ACSL5: variants seen among roughly 807,000 people sequenced by gnomAD.
The protein encoded by ACSL5 is long-chain-fatty-acid--CoA ligase 5.
In ACSL5, 50 loss-of-function variants were observed where a neutral mutation model predicts 84.9. The ratio of observed to expected loss-of-function variants is 0.59; its 90% confidence interval spans 0.47 to 0.75. The LOEUF (loss-of-function observed/expected upper bound fraction) is 0.75. Among genes scored for constraint, ACSL5 ranks in the 30% least tolerant of loss-of-function variants. The probability of loss-of-function intolerance (pLI) is 0.00; values close to 1 mark genes in which losing one functional copy is unlikely to be tolerated. For synonymous variants in ACSL5, 280 were observed against 300.7 expected (o/e 0.93, Z 0.71); for missense variants, 775 against 830.4 (o/e 0.93, Z 0.82).
Position 112,380,893 on chromosome 10 carries a change from A to G in ACSL5, c.-30+6624A>G, listed in dbSNP as rs1241392284. ...ACCTCCCAGGCTCAACAATCCTCCT[A>G]CCTCATTCTCCTGAGTACCTGGGAC... On this transcript the variant is annotated intron_variant, in intron 1 of 20. Transcript: ENST00000354655. Among the ~76,000 whole-genome samples the G allele has an allele frequency of 2.6e-5, 4 of 152,032 alleles. No individual in the cohort carries two copies. In the East Asian group the frequency reaches 7.7e-4, roughly 29 times the overall value.
At chr10:112,399,120 A>G (rs1449902780) in intron 3 of ACSL5, 111 bp downstream of exon 3, 2 of 871,876 alleles carry the variant, frequency 2.3e-6, no homozygotes, top group Non-Finnish European at 3.7e-6. Context: ...CAGTGATCCA[A>G]GTAGAATCGC....
At chr10:112,389,698 G>A (rs1849519592) in intron 1 of ACSL5, among the ~76,000 whole-genome samples, 2 of 152,068 alleles carry the variant, frequency 1.3e-5, no homozygotes, top group Admixed American at 1.3e-4. Context: ...ACAAAAGGAG[G>A]GTGACTTTTT....
intron 1 of ACSL5, among the ~76,000 whole-genome samples, chr10:112,380,372 G>C (rs1347244154): frequency 6.6e-6 from 1 of 152,108 alleles, no homozygotes; most frequent in Non-Finnish European, 1.5e-5. Flanking sequence ...AGTATGTGAA[G>C]GCAATGGCTC....
chr10:112,392,867 G>A (rs949647162), intron 1 of ACSL5, among the ~76,000 whole-genome samples: 8 of 151,798 alleles, frequency 5.3e-5, no homozygotes, highest in Admixed American at 2.6e-4. Flanking sequence ...GTGAGCCAGA[G>A]TTGTGCCACT....
intron 1 of ACSL5, among the ~76,000 whole-genome samples, chr10:112,388,025 G>A (rs1221372223): frequency 1.5e-5 from 2 of 137,624 alleles, no homozygotes; most frequent in African/African-American, 2.7e-5. Flanking sequence ...TGCAACTTCC[G>A]CCTCCCAGGT....
intron 7 of ACSL5, 46 bp downstream of exon 7, chr10:112,409,731 C>G (rs1844136911): frequency 6.3e-7 from 1 of 1,584,240 alleles, no homozygotes; most frequent in Non-Finnish European, 8.6e-7. Flanking sequence ...TTGTCCAACA[C>G]CTTGGGCAAC....
chr10:112,375,679 T>C (rs1364932137), intron 1 of ACSL5: 1 of 152,354 alleles, frequency 6.6e-6, no homozygotes, highest in East Asian at 1.9e-4. Flanking sequence ...CTGGTAATAC[T>C]GGGGGTGACC....
At position 112,421,462 on chromosome 10, in the gene ACSL5, G is replaced by C. The variant is rs371805076; in HGVS notation, c.1315-131G>C. ...AGGCATGAGCCACCGCCCCCTCCAA[G>C]TTCAAGGTTTTAAGACACTAAGTGG... On this transcript the variant is annotated intron_variant, in intron 14 of 20. Transcript: ENST00000354655. 888 of 754,518 alleles carry C rather than the reference G, an allele frequency of 1.2e-3. 1 individual carries two copies. The highest frequency in any genetic ancestry group is 6.4e-3 in the Middle Eastern group (26 of 4,066). 46.7% of individuals were successfully genotyped at this position (754,518 alleles called of 1,614,324 possible). A position where few individuals can be genotyped will look rare whatever the true frequency, so the allele number is the denominator to read the frequency against.
intron 17 of ACSL5, among the ~76,000 whole-genome samples, chr10:112,424,245 T>C (rs575339921): frequency 6.6e-6 from 1 of 152,338 alleles, no homozygotes; most frequent in South Asian, 2.1e-4. Flanking sequence ...AGAAAGGAAA[T>C]TATTGCAAGG....
At chr10:112,422,756 T>C (rs1041360697) in intron 17 of ACSL5, among the ~76,000 whole-genome samples, 1 of 150,332 alleles carries the variant, frequency 6.7e-6, no homozygotes, top group Non-Finnish European at 1.5e-5. Context: ...CTTGGGAGGC[T>C]GAGGCAGGAG....
At chr10:112,393,535 A>G (rs1315661436) in intron 1 of ACSL5, among the ~76,000 whole-genome samples, 1 of 152,224 alleles carries the variant, frequency 6.6e-6, no homozygotes, top group African/African-American at 2.4e-5. Context: ...TCCAGGTGGC[A>G]GCTAATGGCA....
At chr10:112,424,146 C>T (rs1205123082) in intron 17 of ACSL5, among the ~76,000 whole-genome samples, 1 of 152,214 alleles carries the variant, frequency 6.6e-6, no homozygotes, top group African/African-American at 2.4e-5. Context: ...CTCTCATTGA[C>T]CTTCACAGCC....
intron 1 of ACSL5, among the ~76,000 whole-genome samples, chr10:112,386,043 T>C (rs1849444699): frequency 6.6e-6 from 1 of 152,102 alleles, no homozygotes; most frequent in Non-Finnish European, 1.5e-5. Context: ...TCTCAGTACG[T>C]TTATTTTAAG....
At chr10:112,401,800 CTT>C (rs545227640) in intron 3 of ACSL5, among the ~76,000 whole-genome samples, 16 of 69,504 alleles carry the variant, frequency 2.3e-4, no homozygotes, top group South Asian at 1.4e-3. Context: ...TTCTTTCTTT[CTT>C]TCTTTCTTTC....
chr10:112,420,754 CT>C (rs1361618543), intron 14 of ACSL5, among the ~76,000 whole-genome samples: 2 of 151,624 alleles, frequency 1.3e-5, no homozygotes, highest in Non-Finnish European at 2.9e-5. Flanking sequence ...GTCTCGCTCA[CT>C]GTGTCACCCA....
intron 12 of ACSL5, among the ~76,000 whole-genome samples, chr10:112,416,347 T>C (rs1238473562): frequency 6.6e-6 from 1 of 151,812 alleles, no homozygotes; most frequent in Non-Finnish European, 1.5e-5. Context: ...GGCGGGTGCC[T>C]GTAGTCCCAG....
At chr10:112,403,310 T>A (rs753660450) in intron 3 of ACSL5, among the ~76,000 whole-genome samples, 2 of 152,236 alleles carry the variant, frequency 1.3e-5, no homozygotes, top group Non-Finnish European at 2.9e-5. Flanking sequence ...GTTTTGAGAC[T>A]GAGTTTTGCT....
chr10:112,422,405 C>T lies in ACSL5; in HGVS notation c.1557C>T (p.Gly519=). 6.2e-7 allele frequency: 1 copy of T among 1,614,184 alleles called. No homozygotes were observed. The highest frequency in any genetic ancestry group is 8.5e-7 in the Non-Finnish European group (1 of 1,180,018). ...EKTQEALDSD[G]WLHTGDIGRW... ...CACAGGAAGCCCTGGACAGTGATGGCTGGCTTCACACAGGAGACATTGGTC... is the reference window on the plus strand; with the variant it reads ...CACAGGAAGCCCTGGACAGTGATGGTTGGCTTCACACAGGAGACATTGGTC... The change falls in exon 17 of 21, where the codon GGC becomes GGT. Residue 519 remains glycine, a synonymous_variant. Coordinates refer to ENST00000354655, the MANE Select transcript of ACSL5 (RefSeq NM_203379.2).
At chr10:112,376,605 C>T (rs954944207) in intron 1 of ACSL5, among the ~76,000 whole-genome samples, 1 of 152,060 alleles carries the variant, frequency 6.6e-6, no homozygotes, top group East Asian at 1.9e-4. Flanking sequence ...CCCTCCTGGT[C>T]TCGGTCATGC....
Sources: gnomAD v4.1 joint callset for allele counts (sites outside exome capture counted in the v4.1 genomes callset) on GRCh38, gnomAD v4.1.1 for gene constraint, MANE v1.5 for transcripts, NCBI Gene and HGNC (gene_info 2026-07-23, HGNC 2026-07-21) for gene names.